Variants in SEMA3E observed in about 807,000 individuals in gnomAD.
The protein encoded by SEMA3E is semaphorin 3E.
In SEMA3E, 49 loss-of-function variants were observed where a neutral mutation model predicts 93.6. That is an observed-to-expected ratio of 0.52 (90% CI 0.42 to 0.66). SEMA3E has a LOEUF of 0.66. SEMA3E is among the 30% of genes least tolerant of loss of function. The pLI is 0.00. For missense variants in SEMA3E, 906 were observed against 964.8 expected (o/e 0.94, Z 0.81); for synonymous variants, 363 against 330.7 (o/e 1.10, Z -1.06).
chr7:83,386,248 A>G (rs181280092), intron 15 of SEMA3E, among the ~76,000 whole-genome samples: 27 of 152,146 alleles, frequency 1.8e-4, no homozygotes, highest in Admixed American at 1.2e-3. Flanking sequence ...CTGGGGTCCA[A>G]CAAATTGATG....
chr7:83,605,921 TC>T (rs1793108164), intron 1 of SEMA3E, among the ~76,000 whole-genome samples: 1 of 152,346 alleles, frequency 6.6e-6, no homozygotes, highest in South Asian at 2.1e-4. Context: ...GATGGTAGTT[TC>T]TTTTGCTGTG....
intron 4 of SEMA3E, among the ~76,000 whole-genome samples, chr7:83,438,635 A>AT (rs56998008): frequency 0.23 from 35,329 of 151,974 alleles, 4,437 homozygotes; most frequent in Middle Eastern, 0.33. Flanking sequence ...TATGCACTGC[A>AT]TGATAAGGCA....
chr7:83,451,513 T>C (rs1305469782), intron 4 of SEMA3E, among the ~76,000 whole-genome samples: 1 of 152,216 alleles, frequency 6.6e-6, no homozygotes, highest in East Asian at 1.9e-4. Flanking sequence ...TACTACTAGA[T>C]TCTAAGCACT....
chr7:83,516,245 T>C (rs1790926481), intron 1 of SEMA3E, among the ~76,000 whole-genome samples: 1 of 152,212 alleles, frequency 6.6e-6, no homozygotes, highest in South Asian at 2.1e-4. Flanking sequence ...CATGCAATAG[T>C]CATGGACTCT....
Position 83,549,323 on chromosome 7 carries a change from C to T in SEMA3E, c.116-59049G>A, listed in dbSNP as rs1791713638. Among the ~76,000 whole-genome samples, 2 of 152,100 alleles carry T rather than the reference C, an allele frequency of 1.3e-5. 1 individual carries two copies. Among genetic ancestry groups the T allele is most frequent in the Admixed American group, 1.3e-4 (2 of 15,246 alleles). ...TTTTACATATCATAAAGGCTATTTG[C>T]TAATTATAAATGGAACAGCCCATCC... On this transcript the variant is annotated intron_variant, in intron 1 of 16. Transcript: ENST00000643230.
intron 1 of SEMA3E, among the ~76,000 whole-genome samples, chr7:83,500,341 CAGG>C (rs1288467821): frequency 6.6e-6 from 1 of 151,968 alleles, no homozygotes; most frequent in East Asian, 2.0e-4. Flanking sequence ...GAGGCTGAGG[CAGG>C]AGAATTGCTT....
At chr7:83,526,783 T>C (rs1055929994) in intron 1 of SEMA3E, among the ~76,000 whole-genome samples, 2 of 152,158 alleles carry the variant, frequency 1.3e-5, no homozygotes, top group African/African-American at 4.8e-5. Flanking sequence ...ATTTTTAAAA[T>C]GTGTATATGT....
intron 1 of SEMA3E, among the ~76,000 whole-genome samples, chr7:83,524,803 G>C (rs2115700538): frequency 6.6e-6 from 1 of 151,982 alleles, no homozygotes; most frequent in African/African-American, 2.4e-5. Context: ...AATGCTGTGG[G>C]ATGCATCAGG....
rs71557173 is a variant in SEMA3E at position 83,480,979 on chromosome 7, A to T, written c.276+9135T>A. On this transcript the variant is annotated intron_variant, in intron 2 of 16. Coordinates refer to ENST00000643230, the MANE Select transcript of SEMA3E (RefSeq NM_012431.3). ...AGATTAGATGTTCTTCCTCAATATAAAACTATATTTAATAATTGAATAGTA... is the reference window on the plus strand; with the variant it reads ...AGATTAGATGTTCTTCCTCAATATATAACTATATTTAATAATTGAATAGTA... Among the ~76,000 whole-genome samples, 815 of 152,284 alleles carry T rather than the reference A, an allele frequency of 5.4e-3. 6 individuals are homozygous for T. The highest frequency in any genetic ancestry group is 9.4e-3 in the Non-Finnish European group (636 of 68,014).
chr7:83,372,214 C>T (rs1048426843), intron 16 of SEMA3E: 1 of 397,758 alleles, frequency 2.5e-6, no homozygotes, highest in African/African-American at 2.1e-5. Flanking sequence ...AAGGAGCAAA[C>T]ATGGTTTCAG....
At chr7:83,435,607 ATAAAT>A (rs1788988773) in intron 4 of SEMA3E, among the ~76,000 whole-genome samples, 1 of 152,118 alleles carries the variant, frequency 6.6e-6, no homozygotes, top group African/African-American at 2.4e-5. Flanking sequence ...AAAAAATAAA[ATAAAT>A]AAAGAAAGAA....
chr7:83,421,791 A>G (rs1222116754), intron 4 of SEMA3E, among the ~76,000 whole-genome samples: 1 of 105,588 alleles, frequency 9.5e-6, no homozygotes, highest in African/African-American at 3.0e-5. Context: ...GATATCCTAA[A>G]ATCACATCCT....
At chr7:83,567,266 A>T (rs1792180853) in intron 1 of SEMA3E, among the ~76,000 whole-genome samples, 1 of 152,160 alleles carries the variant, frequency 6.6e-6, no homozygotes, top group African/African-American at 2.4e-5. Context: ...ATATAAAACA[A>T]ATATTAGATG....
intron 1 of SEMA3E, among the ~76,000 whole-genome samples, chr7:83,511,850 C>T (rs532713496): frequency 2.0e-5 from 3 of 152,074 alleles, no homozygotes; most frequent in Non-Finnish European, 2.9e-5. Context: ...GAGCCGAGAC[C>T]GCGCCATTAC....
chr7:83,530,051 A>T (rs1791254727), intron 1 of SEMA3E, among the ~76,000 whole-genome samples: 1 of 152,176 alleles, frequency 6.6e-6, no homozygotes, highest in Admixed American at 6.6e-5. Context: ...TGTGCTGTCA[A>T]CTTTTCTAGG....
chr7:83,455,004 A>G (rs973687552), intron 4 of SEMA3E, among the ~76,000 whole-genome samples: 7 of 149,420 alleles, frequency 4.7e-5, no homozygotes, highest in East Asian at 2.0e-4. Flanking sequence ...AGGTATATGT[A>G]TAACCCTTAT....
chr7:83,479,127 C>T (rs1165000308), intron 2 of SEMA3E, among the ~76,000 whole-genome samples: 2 of 152,148 alleles, frequency 1.3e-5, no homozygotes, highest in African/African-American at 4.8e-5. Context: ...TACCCTCTTC[C>T]CACCCACATG....
At chr7:83,395,800 A>G (rs557764108) in intron 12 of SEMA3E, among the ~76,000 whole-genome samples, 1 of 152,182 alleles carries the variant, frequency 6.6e-6, no homozygotes, top group South Asian at 2.1e-4. Context: ...TCAGGCATGG[A>G]TTATCGTGCT....
At chr7:83,532,402 C>T (rs753845611) in intron 1 of SEMA3E, among the ~76,000 whole-genome samples, 1 of 152,148 alleles carries the variant, frequency 6.6e-6, no homozygotes, top group Non-Finnish European at 1.5e-5. Context: ...CAAGATGACT[C>T]ATTCTACTTT....
Sources: gnomAD v4.1 joint callset for allele counts (sites outside exome capture counted in the v4.1 genomes callset) on GRCh38, gnomAD v4.1.1 for gene constraint, MANE v1.5 for transcripts, NCBI Gene and HGNC (gene_info 2026-07-23, HGNC 2026-07-21) for gene names.